The following RSU1 variants were observed in gnomAD, a reference collection of about 807,000 sequenced individuals.
The protein encoded by RSU1 is Ras suppressor protein 1.
Under a neutral mutation model 31.1 loss-of-function variants are expected in RSU1, and 26 were observed. The ratio of observed to expected loss-of-function variants is 0.84; its 90% CI spans 0.61 to 1.16. RSU1 has a LOEUF of 1.16. RSU1 is among the 50% of genes most tolerant of loss of function. RSU1 has a pLI of 0.00. For missense variants in RSU1, 320 were observed against 339.1 expected (o/e 0.94, Z 0.44); for synonymous variants, 164 against 136.3 (o/e 1.20, Z -1.41).
At chr10:16,610,555 G>A (rs1446384664) in intron 8 of RSU1, among the ~76,000 whole-genome samples, 6 of 152,128 alleles carry the variant, frequency 3.9e-5, no homozygotes. Flanking sequence ...GATCTAGGTT[G>A]CACGCTCCTT....
At chr10:16,643,076 T>C (rs1313226036) in intron 8 of RSU1, among the ~76,000 whole-genome samples, 1 of 152,246 alleles carries the variant, frequency 6.6e-6, no homozygotes, top group Admixed American at 6.5e-5. Flanking sequence ...AGCACGGCTA[T>C]GTAGAGATAT....
At chr10:16,791,778 A>T (rs1300360790) in intron 2 of RSU1, among the ~76,000 whole-genome samples, 2 of 152,234 alleles carry the variant, frequency 1.3e-5, no homozygotes, top group African/African-American at 4.8e-5. Flanking sequence ...AGACAATATA[A>T]GGAAGGCAAA....
At chr10:16,769,474 C>T (rs879488429) in intron 3 of RSU1, among the ~76,000 whole-genome samples, 7 of 152,210 alleles carry the variant, frequency 4.6e-5, no homozygotes, top group African/African-American at 1.2e-4. Flanking sequence ...TTTCCATCAC[C>T]GCAAAATGTT....
chr10:16,633,827 G>A (rs537854953), intron 8 of RSU1, among the ~76,000 whole-genome samples: 44 of 152,238 alleles, frequency 2.9e-4, no homozygotes, highest in African/African-American at 1.1e-3. Flanking sequence ...CATTTGTCCT[G>A]CCCTGGGTGG....
intron 2 of RSU1, among the ~76,000 whole-genome samples, chr10:16,806,706 A>G (rs1199946711): frequency 1.3e-5 from 2 of 152,176 alleles, no homozygotes; most frequent in Non-Finnish European, 2.9e-5. Flanking sequence ...ATAATAAATT[A>G]CATAGGCATC....
chr10:16,688,832 G>A (rs965939241), intron 8 of RSU1, among the ~76,000 whole-genome samples: 1 of 151,728 alleles, frequency 6.6e-6, no homozygotes, highest in African/African-American at 2.4e-5. Flanking sequence ...AAGACCCCCA[G>A]TCTCCACAAA....
At chr10:16,782,508 A>C (rs1350943228) in intron 2 of RSU1, among the ~76,000 whole-genome samples, 1 of 152,220 alleles carries the variant, frequency 6.6e-6, no homozygotes, top group Non-Finnish European at 1.5e-5. Context: ...AAGCCACTTC[A>C]TCCAAACAGA....
At chr10:16,763,379 T>TGCAGGAGTATGCTTATTACATG (rs1338754594) in intron 4 of RSU1, among the ~76,000 whole-genome samples, 1 of 152,102 alleles carries the variant, frequency 6.6e-6, no homozygotes, top group Non-Finnish European at 1.5e-5. Context: ...TGGAAGGCAA[T>TGCAGGAGTATGCTTATTACATG]GCAGGAGTAT....
At chr10:16,714,383 C>T (rs1836088466) in intron 7 of RSU1, among the ~76,000 whole-genome samples, 1 of 152,178 alleles carries the variant, frequency 6.6e-6, no homozygotes, top group Non-Finnish European at 1.5e-5. Context: ...GGGAGGGCTG[C>T]TACTGGACCA....
At chr10:16,770,125 A>ACAGAT in intron 3 of RSU1, among the ~76,000 whole-genome samples, 1 of 152,202 alleles carries the variant, frequency 6.6e-6, no homozygotes, top group Middle Eastern at 3.4e-3. Flanking sequence ...GACGGTACAG[A>ACAGAT]CAGATCGGCT....
chr10:16,688,332 A>T (rs903893109), intron 8 of RSU1, among the ~76,000 whole-genome samples: 1 of 152,142 alleles, frequency 6.6e-6, no homozygotes, highest in Non-Finnish European at 1.5e-5. Flanking sequence ...ATAGGCCAGT[A>T]GTGGTGGCTC....
intron 8 of RSU1, among the ~76,000 whole-genome samples, chr10:16,688,744 T>A (rs913153975): frequency 4.6e-5 from 7 of 152,190 alleles, no homozygotes; most frequent in African/African-American, 1.7e-4. Context: ...TGCGTGCCTG[T>A]AATCTCAGCG....
At chr10:16,674,900 GCA>G (rs1835198151) in intron 8 of RSU1, among the ~76,000 whole-genome samples, 1 of 152,106 alleles carries the variant, frequency 6.6e-6, no homozygotes, top group African/African-American at 2.4e-5. Flanking sequence ...AGGCGTGGTG[GCA>G]CACGCCTGTA....
chr10:16,787,451 C>T (rs747689447), intron 2 of RSU1, among the ~76,000 whole-genome samples: 2 of 152,134 alleles, frequency 1.3e-5, no homozygotes, highest in South Asian at 2.1e-4. Context: ...TTCACCAAGG[C>T]GCCAATGCTC....
At chr10:16,629,815 C>T (rs946512536) in intron 8 of RSU1, among the ~76,000 whole-genome samples, 1 of 152,182 alleles carries the variant, frequency 6.6e-6, no homozygotes, top group Non-Finnish European at 1.5e-5. Context: ...AACTCACTGA[C>T]CTGCTGCATC....
chr10:16,638,140 G>T (rs575669913), intron 8 of RSU1, among the ~76,000 whole-genome samples: 1 of 152,256 alleles, frequency 6.6e-6, no homozygotes, highest in East Asian at 1.9e-4. Context: ...TATAGGCAAA[G>T]AACTTGAAGT....
chr10:16,793,448 T>C (rs1837968349), intron 2 of RSU1, among the ~76,000 whole-genome samples: 2 of 152,138 alleles, frequency 1.3e-5, no homozygotes, highest in South Asian at 4.1e-4. Context: ...GGTCACTAAT[T>C]GGAGTCTATG....
At chr10:16,728,989 C>T (rs1836450864) in intron 7 of RSU1, among the ~76,000 whole-genome samples, 1 of 152,178 alleles carries the variant, frequency 6.6e-6, no homozygotes, top group Non-Finnish European at 1.5e-5. Context: ...GAGAATAAAT[C>T]GGTGCTGTTT....
chr10:16,757,762 T>A (rs1837129349), intron 4 of RSU1, among the ~76,000 whole-genome samples: 1 of 152,198 alleles, frequency 6.6e-6, no homozygotes, highest in Non-Finnish European at 1.5e-5. Flanking sequence ...ATACAAGGAT[T>A]CTGAGAAGAA....
Sources: gnomAD v4.1 joint callset for allele counts (sites outside exome capture counted in the v4.1 genomes callset) on GRCh38, gnomAD v4.1.1 for gene constraint, MANE v1.5 for transcripts, NCBI Gene and HGNC (gene_info 2026-07-23, HGNC 2026-07-21) for gene names.